OBP2B: variants seen among roughly 807,000 people sequenced by gnomAD.
OBP2B encodes odorant binding protein 2B, also known as odorant-binding protein 2b.
OBP2B carries 10 observed loss-of-function variants against 21.7 expected under a neutral mutation model. The ratio of observed to expected loss-of-function variants is 0.46; its 90% CI spans 0.28 to 0.78. OBP2B has a LOEUF of 0.78. Ranked by LOEUF, OBP2B falls within the 30% of genes least tolerant of loss-of-function variation. The pLI is 0.11. For synonymous variants in OBP2B, 73 were observed against 91.5 expected (o/e 0.80, Z 1.16); for missense variants, 153 against 217.7 (o/e 0.70, Z 1.87).
chr9:133,205,806 G>C, intron 6 of OBP2B, 111 bp downstream of exon 6: 1 of 1,282,254 alleles, frequency 7.8e-7, no homozygotes, highest in East Asian at 2.4e-5. Flanking sequence ...CCTGACCCTG[G>C]GGGGGTCTCC....
At chr9:133,216,470 T>G in the OBP2B span, among the ~76,000 whole-genome samples, 1 of 149,014 alleles carries the variant, frequency 6.7e-6, no homozygotes, top group Non-Finnish European at 1.5e-5. Context: ...TTCTGGAAAA[T>G]GGCTTGACAG....
chr9:133,212,855 C>A (rs182156148), upstream of OBP2B, among the ~76,000 whole-genome samples: 1 of 152,010 alleles, frequency 6.6e-6, no homozygotes, highest in Non-Finnish European at 1.5e-5. Context: ...CACTTGAACC[C>A]GGGAGGCGGA....
Position 133,209,088 on chromosome 9 carries a change from C to T in OBP2B, c.72+40G>A. ...CTGGCACTGCCCCCTGCCCAGGAGT[C>T]CGCCTGGCTCCTCCATCCGCCCACG... On this transcript the variant is annotated intron_variant, in intron 1 of 6. Transcript: ENST00000372034. The surrounding 1 kb of genome is among the most constrained non-coding windows in gnomAD (Gnocchi z 6.0). The T allele has an allele frequency of 6.2e-7, 1 of 1,612,476 alleles. No individual in the cohort carries two copies. Among genetic ancestry groups the T allele is most frequent in the Non-Finnish European group, 8.5e-7 (1 of 1,179,402 alleles).
In OBP2B at chr9:133,205,936, G is replaced by C. The variant is rs1833691717; in HGVS notation, c.495C>G (p.Ser165Arg). 3 of 1,613,890 alleles carry C rather than the reference G, an allele frequency of 1.9e-6. No homozygotes were observed. The highest frequency in any genetic ancestry group is 2.5e-6 in the Non-Finnish European group (3 of 1,179,788). Residue 165 changes from serine (S) to arginine (R), a missense_variant, in exon 6 of 7, where the codon AGC (serine) becomes AGG (arginine). This residue lies in a region of OBP2B where 151 missense variants were observed against 186.3 expected (regional missense o/e 0.81). Transcript: ENST00000372034. ...ACTCACCCTAGTGTTCGGGAACGCA[G>C]CTTCCTGCAGAGACCAAGAAAAACC... Reference protein sequence around the residue: ...EDIFTPLQTGSCVPEH With the variant: ...EDIFTPLQTGRCVPEH
chr9:133,208,232 G>T, intron 2 of OBP2B, 29 bp from the exon 3 acceptor site: 11 of 1,611,290 alleles, frequency 6.8e-6, no homozygotes, highest in Non-Finnish European at 9.3e-6. Context: ...GCGGGCAGCG[G>T]CTCCCAGGAC....
chr9:133,218,276 C>T, the OBP2B span, among the ~76,000 whole-genome samples: 1 of 152,164 alleles, frequency 6.6e-6, no homozygotes, highest in African/African-American at 2.4e-5. Flanking sequence ...AGCAAATGAT[C>T]CAGGGAGACC....
upstream of OBP2B, among the ~76,000 whole-genome samples, chr9:133,213,107 G>T (rs1430783443): frequency 6.6e-6 from 1 of 151,954 alleles, no homozygotes; most frequent in Non-Finnish European, 1.5e-5. Flanking sequence ...GGGCATGGTG[G>T]CGTATACCTG....
intron 4 of OBP2B, 102 bp from the exon 5 acceptor site, chr9:133,206,518 G>A: frequency 6.7e-7 from 1 of 1,484,140 alleles, no homozygotes; most frequent in Non-Finnish European, 9.2e-7. Context: ...ACCAGGACAG[G>A]GGGAGAGGCC....
upstream of OBP2B, among the ~76,000 whole-genome samples, chr9:133,214,082 C>T (rs1296560031): frequency 6.6e-6 from 1 of 152,154 alleles, no homozygotes; most frequent in Non-Finnish European, 1.5e-5. Flanking sequence ...CAAAAATCAA[C>T]CATATTAATA....
Position 133,207,068 on chromosome 9 carries a change from C to A in OBP2B, c.388+158G>T, listed in dbSNP as rs376941690. ...TGCCTGGCCCATCCCATTCCCACTT[C>A]AGGTACTTGGACCGGCTGCCCAGCG... On this transcript the variant is annotated intron_variant, in intron 4 of 6. Coordinates refer to ENST00000372034, the MANE Select transcript of OBP2B (RefSeq NM_014581.4). Among the ~76,000 whole-genome samples the A allele has an allele frequency of 5.3e-5, 8 of 152,286 alleles. No homozygotes were observed. In the South Asian group the frequency reaches 1.0e-3, roughly 20 times the overall value.
At chr9:133,207,796 TTAACCCTCAGCTTCCCCATCCC>T (rs1407807531) in intron 3 of OBP2B, 13 of 1,237,078 alleles carry the variant, frequency 1.1e-5, no homozygotes, top group African/African-American at 3.5e-5. Flanking sequence ...TTCCCCATCC[TTAACCCTCAGCTTCCCCATCCC>T]TAACCCTCAG....
At chr9:133,218,796 G>A in the OBP2B span, among the ~76,000 whole-genome samples, 3 of 152,120 alleles carry the variant, frequency 2.0e-5, no homozygotes, top group South Asian at 2.1e-4. Flanking sequence ...TCTAGGCATC[G>A]CAGACGACTA....
the OBP2B span, among the ~76,000 whole-genome samples, chr9:133,220,029 T>C: frequency 2.6e-5 from 4 of 152,184 alleles, no homozygotes; most frequent in African/African-American, 9.7e-5. Flanking sequence ...GAAACACATA[T>C]ATATGATTCC....
At chr9:133,207,377 A>T in intron 3 of OBP2B, 41 bp from the exon 4 acceptor site, 2 of 1,290,234 alleles carry the variant, frequency 1.6e-6, no homozygotes, top group African/African-American at 1.5e-5. Context: ...CAGAGAGAAC[A>T]CTCGGGGCCA....
chr9:133,207,275 G>A lies in OBP2B; in HGVS notation c.339C>T (p.Tyr113=), dbSNP rs1296626249. The A allele has an allele frequency of 1.1e-5, 17 of 1,613,840 alleles. No individual in the cohort carries two copies. Among genetic ancestry groups the A allele is most frequent in the Non-Finnish European group, 1.1e-5 (13 of 1,179,892 alleles). The change falls in exon 4 of 7, where the codon TAC becomes TAT. Residue 113 remains tyrosine, a synonymous_variant. Coordinates refer to ENST00000372034, the MANE Select transcript of OBP2B (RefSeq NM_014581.4). ...ELPRRDHYIF[Y]CKDQHHGGLL... Reference sequence around the variant, plus strand: ...GGCCCCCATGGTGCTGGTCTTTGCAGTAAAAGATGTAGTGGTCCCTCCTGG... The same window carrying A: ...GGCCCCCATGGTGCTGGTCTTTGCAATAAAAGATGTAGTGGTCCCTCCTGG...
In OBP2B at chr9:133,205,865, C is replaced by T. The variant is rs199811232; in HGVS notation, c.*1+52G>A. On this transcript the variant is annotated intron_variant, in intron 6 of 6. Transcript: ENST00000372034. ...CCAGAGCAGATGTACCCTCGAACCCCGGGAACCCAGGACTCTGGGCTTGTC... is the reference window on the plus strand; with the variant it reads ...CCAGAGCAGATGTACCCTCGAACCCTGGGAACCCAGGACTCTGGGCTTGTC... The T allele has an allele frequency of 3.0e-3, 4,894 of 1,611,036 alleles. 8 individuals are homozygous for T. The highest frequency in any genetic ancestry group is 3.7e-3 in the Non-Finnish European group (4,400 of 1,177,182).
At chr9:133,221,124 G>A in the OBP2B span, among the ~76,000 whole-genome samples, 3 of 152,210 alleles carry the variant, frequency 2.0e-5, no homozygotes, top group African/African-American at 7.2e-5. Flanking sequence ...TGTGGTTGTG[G>A]GTTTTTTGAC....
At chr9:133,215,284 T>C in the OBP2B span, among the ~76,000 whole-genome samples, 4 of 152,168 alleles carry the variant, frequency 2.6e-5, no homozygotes, top group African/African-American at 9.7e-5. Flanking sequence ...TCTAAACAAA[T>C]GGAGAGATGT....
chr9:133,209,574 C>A (rs1324339286), upstream of OBP2B, among the ~76,000 whole-genome samples: 1 of 152,184 alleles, frequency 6.6e-6, no homozygotes, highest in African/African-American at 2.4e-5. The surrounding 1 kb of genome is among the most constrained non-coding windows in gnomAD (Gnocchi z 6.0). Context: ...CCTCACCAAC[C>A]CCTGCACCCT....
Sources: allele counts gnomAD v4.1 joint callset (sites outside exome capture counted in the v4.1 genomes callset), GRCh38; gene constraint gnomAD v4.1.1; regional missense constraint gnomAD v4.1.1; non-coding constraint Gnocchi (gnomAD v3.1); transcripts MANE v1.5; gene names NCBI Gene and HGNC (gene_info 2026-07-23, HGNC 2026-07-21).